Variants in SORCS3 observed in about 807,000 individuals in gnomAD.
The protein encoded by SORCS3 is VPS10 domain-containing receptor SorCS3.
Under a neutral mutation model 146.3 loss-of-function variants are expected in SORCS3, and 57 were observed. That is an observed-to-expected ratio of 0.39 (90% CI 0.31 to 0.49). SORCS3 has a LOEUF of 0.49. Ranked by LOEUF, SORCS3 falls within the 20% of genes least tolerant of loss-of-function variation. The pLI is 0.92. For synonymous variants in SORCS3, 653 were observed against 618.5 expected (o/e 1.06, Z -0.83); for missense variants, 1,341 against 1,575.5 (o/e 0.85, Z 2.52).
Position 105,139,419 on chromosome 10 carries a change from G to A in SORCS3, c.1235G>A (p.Ser412Asn), listed in dbSNP as rs752652710. ...FIQVTTSGRA[S>N]YYVSYRREAF... ...TAGGTAACAACTAGTGGAAGAGCCAGCTACTACGTGTCTTATCGAAGAGAG... is the reference window on the plus strand; with the variant it reads ...TAGGTAACAACTAGTGGAAGAGCCAACTACTACGTGTCTTATCGAAGAGAG... Residue 412 changes from serine to asparagine, a missense_variant, in exon 8 of 27, where the codon AGC becomes AAC. Coordinates refer to ENST00000369701, the MANE Select transcript of SORCS3 (RefSeq NM_014978.3). The A allele has an allele frequency of 2.7e-5, 43 of 1,613,502 alleles. No individual in the cohort carries two copies. The East Asian group carries it at 9.1e-4, about 34-fold the overall frequency.
intron 1 of SORCS3, among the ~76,000 whole-genome samples, chr10:104,676,496 T>C (rs2015914691): frequency 6.6e-6 from 1 of 151,932 alleles, no homozygotes; most frequent in Admixed American, 6.6e-5. Context: ...AGAGAGAAAA[T>C]GAGGTAAAGG....
At chr10:105,221,307 G>A (rs896135241) in intron 19 of SORCS3, among the ~76,000 whole-genome samples, 1 of 152,116 alleles carries the variant, frequency 6.6e-6, no homozygotes, top group South Asian at 2.1e-4. Flanking sequence ...CTATGACACA[G>A]AATATGTCCA....
intron 1 of SORCS3, among the ~76,000 whole-genome samples, chr10:104,805,159 A>T (rs1251383749): frequency 6.6e-6 from 1 of 152,198 alleles, no homozygotes; most frequent in Non-Finnish European, 1.5e-5. Context: ...CTTGAGTAGA[A>T]GGAAGGAGAC....
chr10:105,076,097 C>T (rs2055587042), intron 5 of SORCS3, among the ~76,000 whole-genome samples: 1 of 152,192 alleles, frequency 6.6e-6, no homozygotes, highest in Non-Finnish European at 1.5e-5. Context: ...TGTGTTCTTG[C>T]ATCATTTCAT....
At chr10:104,767,973 C>T (rs994981706) in intron 1 of SORCS3, among the ~76,000 whole-genome samples, 1 of 152,072 alleles carries the variant, frequency 6.6e-6, no homozygotes, top group Non-Finnish European at 1.5e-5. Flanking sequence ...ACAGTGCATA[C>T]TAAGGGATCT....
At chr10:105,084,998 G>A (rs894001555) in intron 5 of SORCS3, among the ~76,000 whole-genome samples, 5 of 152,070 alleles carry the variant, frequency 3.3e-5, no homozygotes, top group Admixed American at 6.5e-5. Context: ...CCAAAGTGCT[G>A]GGATTACAGG....
At chr10:104,816,208 G>A (rs1589509778) in intron 1 of SORCS3, among the ~76,000 whole-genome samples, 1 of 152,150 alleles carries the variant, frequency 6.6e-6, no homozygotes, top group Admixed American at 6.5e-5. Context: ...GAGGATATGG[G>A]AATATCTGTT....
intron 1 of SORCS3, among the ~76,000 whole-genome samples, chr10:104,666,603 G>C (rs1034242): frequency 0.97 from 148,046 of 152,202 alleles, 72,087 homozygotes; most frequent in East Asian, 1. Context: ...TGAGAGCTAT[G>C]CTGTATTTTG....
At chr10:104,948,890 C>T (rs559899660) in intron 3 of SORCS3, among the ~76,000 whole-genome samples, 6 of 152,218 alleles carry the variant, frequency 3.9e-5, no homozygotes, top group South Asian at 2.1e-4. Flanking sequence ...ACCCTCATTC[C>T]GCCCAGCTAC....
intron 1 of SORCS3, chr10:104,822,073 C>A (rs779564080): frequency 1.9e-5 from 10 of 517,754 alleles, no homozygotes; most frequent in Non-Finnish European, 3.9e-5. Context: ...TTTATTCCTT[C>A]TCTTAGTCCT....
At position 104,857,162 on chromosome 10, in the gene SORCS3, T is replaced by A. The variant is rs193110657; in HGVS notation, c.695+14303T>A. Among the ~76,000 whole-genome samples, 8 of 149,890 alleles carry A rather than the reference T, an allele frequency of 5.3e-5. No individual in the cohort carries two copies. The East Asian group carries it at 1.4e-3, about 26-fold the overall frequency. On this transcript the variant is annotated intron_variant, in intron 2 of 26. Transcript: ENST00000369701. ...AGGAGGAGAGAATGTTCAGGGAAAA[T>A]CTGACAAATGGTTAGGAGGCAGTGG...
intron 5 of SORCS3, among the ~76,000 whole-genome samples, chr10:105,069,254 G>T (rs990604138): frequency 1.9e-4 from 29 of 152,176 alleles, no homozygotes; most frequent in African/African-American, 6.0e-4. Context: ...GCCAATGAAG[G>T]CAGGGAATGC....
intron 1 of SORCS3, among the ~76,000 whole-genome samples, chr10:104,648,473 G>A (rs1467818): frequency 0.98 from 149,519 of 152,282 alleles, 73,426 homozygotes; most frequent in East Asian, 1. Flanking sequence ...GATGGGTATC[G>A]TATGAGGCTA....
chr10:105,117,049 A>C (rs1261967198), intron 7 of SORCS3, among the ~76,000 whole-genome samples: 1 of 152,152 alleles, frequency 6.6e-6, no homozygotes, highest in Admixed American at 6.5e-5. Flanking sequence ...AAGTTAAAAA[A>C]AAAAACAAAA....
chr10:105,130,330 T>G (rs536671005), intron 7 of SORCS3, among the ~76,000 whole-genome samples: 3 of 152,258 alleles, frequency 2.0e-5, no homozygotes, highest in African/African-American at 7.2e-5. Context: ...TTATTGTATT[T>G]GAAGGAACAG....
chr10:104,941,356 A>G (rs1216865712), intron 3 of SORCS3, among the ~76,000 whole-genome samples: 2 of 152,214 alleles, frequency 1.3e-5, no homozygotes, highest in Non-Finnish European at 2.9e-5. Context: ...CCCTTGGGCC[A>G]TGTAAAAATT....
chr10:105,259,505 A>G (rs1274653863), intron 25 of SORCS3, among the ~76,000 whole-genome samples: 2 of 152,218 alleles, frequency 1.3e-5, no homozygotes, highest in African/African-American at 4.8e-5. Flanking sequence ...AATTACTATG[A>G]GCCTCAAGCT....
At position 105,043,140 on chromosome 10, in the gene SORCS3, CCA is replaced by C. The variant is rs1290607942; in HGVS notation, c.1028+18_1028+19del. The C allele has an allele frequency of 6.2e-7, 1 of 1,609,248 alleles. No individual in the cohort carries two copies. ...AACAGGTTTTATTGGTAAGCCCTATCCACACACTCATTACTTCTTAGATAAAG... is the reference window on the plus strand; with the variant it reads ...AACAGGTTTTATTGGTAAGCCCTATCCACACTCATTACTTCTTAGATAAAG... On this transcript the variant is annotated intron_variant, in intron 5 of 26. Coordinates refer to ENST00000369701, the MANE Select transcript of SORCS3 (RefSeq NM_014978.3).
rs540970668 is a variant in SORCS3 at position 105,240,980 on chromosome 10, A to G, written c.2869-4562A>G. Among the ~76,000 whole-genome samples, 159 of 151,608 alleles carry G rather than the reference A, an allele frequency of 1.0e-3. 6 individuals carry two copies. The South Asian group carries it at 0.033, about 31-fold the overall frequency. On this transcript the variant is annotated intron_variant, in intron 20 of 26. Coordinates refer to ENST00000369701, the MANE Select transcript of SORCS3 (RefSeq NM_014978.3). The stretch of plus-strand genomic sequence containing the variant: ...TATATATATCTATATCTATATCTAT[A>G]TATATCTCAGTATTTATTTCCTACT...
Sources: gnomAD v4.1 joint callset for allele counts (sites outside exome capture counted in the v4.1 genomes callset) on GRCh38, gnomAD v4.1.1 for gene constraint, MANE v1.5 for transcripts, NCBI Gene and HGNC (gene_info 2026-07-23, HGNC 2026-07-21) for gene names.